Variants in GKAP1 observed in about 807,000 individuals in gnomAD.
The protein encoded by GKAP1 is G kinase anchoring protein 1, also known as G kinase-anchoring protein 1.
Under a neutral mutation model 56.7 loss-of-function variants are expected in GKAP1, and 31 were observed. That is an observed-to-expected ratio of 0.55 (90% CI 0.41 to 0.74). The LOEUF (loss-of-function observed/expected upper bound fraction) is 0.74, where lower values mean the gene tolerates loss of function less well. Among genes scored for constraint, GKAP1 ranks in the 30% least tolerant of loss-of-function variants. The pLI, the probability that GKAP1 is intolerant of heterozygous loss-of-function variation, is 0.00. For synonymous variants in GKAP1, 151 were observed against 138.6 expected (o/e 1.09, Z -0.63); for missense variants, 364 against 402.3 (o/e 0.90, Z 0.82).
chr9:83,762,661 T>C (rs1265443309), intron 8 of GKAP1, among the ~76,000 whole-genome samples: 1 of 152,096 alleles, frequency 6.6e-6, no homozygotes. Context: ...ACTACAGAGC[T>C]ATAGTAACCA....
intron 3 of GKAP1, among the ~76,000 whole-genome samples, chr9:83,802,932 A>G (rs1944355795): frequency 6.6e-6 from 1 of 151,862 alleles, no homozygotes. Context: ...ACATGATGAA[A>G]CCCTGTCTCT....
intron 8 of GKAP1, among the ~76,000 whole-genome samples, chr9:83,764,894 T>C (rs1231231797): frequency 6.6e-6 from 1 of 152,004 alleles, no homozygotes; most frequent in East Asian, 1.9e-4. Flanking sequence ...GTTCAGAAAA[T>C]TTGCAGCCTG....
chr9:83,812,977 CT>C (rs1000110095), intron 2 of GKAP1, among the ~76,000 whole-genome samples: 1 of 151,416 alleles, frequency 6.6e-6, no homozygotes. Flanking sequence ...TCCTCTGTAA[CT>C]TTTTTTTTAA....
At chr9:83,806,774 G>T (rs1012686500) in intron 2 of GKAP1, among the ~76,000 whole-genome samples, 2 of 152,100 alleles carry the variant, frequency 1.3e-5, no homozygotes, top group African/African-American at 2.4e-5. Context: ...AGATTTCACA[G>T]ATATAATGTA....
chr9:83,788,729 A>G (rs1944106111), intron 4 of GKAP1, 51 bp from the exon 5 acceptor site: 3 of 1,100,148 alleles, frequency 2.7e-6, no homozygotes, highest in Non-Finnish European at 4.1e-6. Flanking sequence ...ACATCACATG[A>G]GCAAAATAAC....
At chr9:83,748,288 A>G (rs370560418) in intron 10 of GKAP1, 21 bp downstream of exon 10, 29 of 1,528,826 alleles carry the variant, frequency 1.9e-5, no homozygotes, top group Non-Finnish European at 2.7e-6. Context: ...TTTTAATTAC[A>G]AAAACATAAA....
chr9:83,787,095 A>G (rs532648145), intron 5 of GKAP1, among the ~76,000 whole-genome samples: 1 of 152,354 alleles, frequency 6.6e-6, no homozygotes, highest in East Asian at 1.9e-4. Context: ...GTATGTAACA[A>G]TAATGGTTAC....
intron 2 of GKAP1, among the ~76,000 whole-genome samples, chr9:83,811,927 C>A (rs995275027): frequency 1.2e-4 from 18 of 150,992 alleles, no homozygotes; most frequent in African/African-American, 4.1e-4. Flanking sequence ...TCTACTGCAA[C>A]AGCCTTGACA....
intron 2 of GKAP1, among the ~76,000 whole-genome samples, chr9:83,814,423 A>G (rs971831909): frequency 1.1e-4 from 16 of 152,224 alleles, no homozygotes; most frequent in East Asian, 1.9e-4. Context: ...TAGCATATCT[A>G]TGAAGCGTTC....
intron 5 of GKAP1, among the ~76,000 whole-genome samples, chr9:83,787,381 C>T (rs1253746938): frequency 6.7e-6 from 1 of 148,786 alleles, no homozygotes; most frequent in African/African-American, 2.5e-5. Context: ...GGAATACAGG[C>T]TCACACCACC....
rs140428973 is a variant in GKAP1 at position 83,788,221 on chromosome 9, T to G, written c.438+380A>C. Among the ~76,000 whole-genome samples, 381 of 152,174 alleles carry G rather than the reference T, an allele frequency of 2.5e-3. 5 individuals are homozygous for G. Among genetic ancestry groups the G allele is most frequent in the African/African-American group, 8.8e-3 (365 of 41,498 alleles). On this transcript the variant is annotated intron_variant, in intron 5 of 12. Coordinates refer to ENST00000376371, the MANE Select transcript of GKAP1 (RefSeq NM_025211.4). ...TGAACCTGGGAGGCGGAGGTTGCAG[T>G]GAGGTGAGATCATGCCACTGCACTC... is the stretch of plus-strand genomic sequence containing the variant.
chr9:83,750,893 T>C (rs970044879), intron 9 of GKAP1, among the ~76,000 whole-genome samples: 3 of 151,740 alleles, frequency 2.0e-5, no homozygotes, highest in Non-Finnish European at 1.5e-5. Context: ...CTGGAGTGCA[T>C]GGCACGATCT....
rs756372374 is a variant in GKAP1 at position 83,806,474 on chromosome 9, C to T, written c.44G>A (p.Arg15His). 1.9e-6 allele frequency: 3 copies of T among 1,614,018 alleles called. No homozygotes were observed. Among genetic ancestry groups the T allele is most frequent in the Non-Finnish European group, 2.5e-6 (3 of 1,179,980 alleles). Reference protein sequence around the residue: ...VLSSVPTTASRFALLQVDSGS... With the variant: ...VLSSVPTTASHFALLQVDSGS... The stretch of plus-strand genomic sequence containing the variant: ...ACTATCCACTTGTAACAGGGCAAAA[C>T]GAGAAGCGGTGGTGGGAACAGAACT... Residue 15 changes from arginine to histidine, a missense_variant, in exon 3 of 13, where the codon CGT (arginine) becomes CAT (histidine). Physicochemically the swap from Arg to His is conservative, Grantham distance 29. Coordinates refer to ENST00000376371, the MANE Select transcript of GKAP1 (RefSeq NM_025211.4).
chr9:83,742,071 T>C lies in GKAP1; in HGVS notation c.976-42A>G, dbSNP rs1418978896. The C allele has an allele frequency of 3.1e-6, 4 of 1,270,168 alleles. No individual in the cohort carries two copies. In the South Asian group the frequency reaches 5.1e-5, roughly 16 times the overall value. 78.7% of individuals were successfully genotyped at this position (1,270,168 alleles called of 1,614,324 possible). On this transcript the variant is annotated intron_variant, in intron 11 of 12. Transcript: ENST00000376371. ...AATAAGAAAAAGAATTTTTGGGGTT[T>C]TTGGCAAATACTCAATTCTTAACAT...
At chr9:83,744,751 T>A (rs1024491287) in intron 10 of GKAP1, among the ~76,000 whole-genome samples, 2 of 152,150 alleles carry the variant, frequency 1.3e-5, no homozygotes, top group African/African-American at 2.4e-5. Flanking sequence ...TGCCTGAGAA[T>A]GGGTAATTTA....
At chr9:83,784,479 C>T (rs1297710270) in intron 6 of GKAP1, among the ~76,000 whole-genome samples, 1 of 152,138 alleles carries the variant, frequency 6.6e-6, no homozygotes, top group East Asian at 1.9e-4. Flanking sequence ...TATTGGACTT[C>T]CCAGCTTCCA....
chr9:83,741,360 TCACACACACA>T (rs35325635), intron 12 of GKAP1, among the ~76,000 whole-genome samples: 21 of 48,568 alleles, frequency 4.3e-4, no homozygotes, highest in African/African-American at 8.9e-4. Context: ...AATATATCTC[TCACACACACA>T]CACACACACA....
intron 8 of GKAP1, among the ~76,000 whole-genome samples, chr9:83,755,306 A>G (rs1454204680): frequency 6.6e-6 from 1 of 152,198 alleles, no homozygotes; most frequent in East Asian, 1.9e-4. Flanking sequence ...GTCACTAAAA[A>G]TGGTGATATA....
At chr9:83,776,966 G>A (rs1943873904) in intron 7 of GKAP1, among the ~76,000 whole-genome samples, 1 of 152,232 alleles carries the variant, frequency 6.6e-6, no homozygotes, top group African/African-American at 2.4e-5. Context: ...GAAGTAGGTT[G>A]TAGAGACAGA....
Sources: allele counts gnomAD v4.1 joint callset (sites outside exome capture counted in the v4.1 genomes callset), GRCh38; gene constraint gnomAD v4.1.1; transcripts MANE v1.5; gene names NCBI Gene and HGNC (gene_info 2026-07-23, HGNC 2026-07-21).